P4HA3: variants seen among roughly 807,000 people sequenced by gnomAD.
The protein encoded by P4HA3 is prolyl 4-hydroxylase subunit alpha 3.
In P4HA3, 60 loss-of-function variants were observed where a neutral mutation model predicts 66.7. That is an observed-to-expected ratio of 0.90 (90% confidence interval 0.73 to 1.12). The LOEUF (loss-of-function observed/expected upper bound fraction) is 1.12. Ranked by LOEUF, P4HA3 falls within the 50% of genes most tolerant of loss-of-function variation. The pLI is 0.00. For synonymous variants in P4HA3, 263 were observed against 274.6 expected (o/e 0.96, Z 0.42); for missense variants, 683 against 685.8 (o/e 1.00, Z 0.05).
At chr11:74,287,338 A>G (rs1182927501) in intron 5 of P4HA3, 2 of 1,285,442 alleles carry the variant, frequency 1.6e-6, no homozygotes, top group Non-Finnish European at 2.0e-6. Flanking sequence ...TTCTGTTTTA[A>G]CAAGAGAAGA....
chr11:74,306,554 C>T (rs1325665779), intron 1 of P4HA3, among the ~76,000 whole-genome samples: 4 of 152,078 alleles, frequency 2.6e-5, no homozygotes, highest in Non-Finnish European at 4.4e-5. Flanking sequence ...AAAAAATGAA[C>T]GTGTGCAAGA....
rs917037170 is a variant in P4HA3 at position 74,280,323 on chromosome 11, TA to T, written c.1111-872del. On this transcript the variant is annotated intron_variant, in intron 7 of 12. Coordinates refer to ENST00000331597, the MANE Select transcript of P4HA3 (RefSeq NM_182904.5). ...CACATGCCACCAAACCTGGCTAATT[TA>T]AAAAAAAAATGTTTTTGTAGATACG... Among the ~76,000 whole-genome samples the T allele has an allele frequency of 6.2e-3, 923 of 149,472 alleles. 3 individuals are homozygous for T. The highest frequency in any genetic ancestry group is 0.017 in the Middle Eastern group (5 of 286).
chr11:74,253,625 C>T (rs1859761183), intron 15 of P4HA3: 1 of 1,201,004 alleles, frequency 8.3e-7, no homozygotes, highest in East Asian at 2.3e-5. Context: ...GACACTGGCT[C>T]CCGGTAGACG....
At chr11:74,274,947 T>A (rs1860345833) in intron 9 of P4HA3, among the ~76,000 whole-genome samples, 1 of 152,200 alleles carries the variant, frequency 6.6e-6, no homozygotes, top group South Asian at 2.1e-4. Flanking sequence ...TGAGCATCTT[T>A]CCATATGTTT....
intron 15 of P4HA3, among the ~76,000 whole-genome samples, chr11:74,256,697 C>G (rs894788232): frequency 2.0e-5 from 3 of 152,116 alleles, no homozygotes; most frequent in African/African-American, 4.8e-5. Flanking sequence ...TGCCACAAAG[C>G]CAGAAGGAGC....
At chr11:74,308,238 CA>C (rs1219988652) in intron 1 of P4HA3, among the ~76,000 whole-genome samples, 15 of 152,034 alleles carry the variant, frequency 9.9e-5, no homozygotes, top group African/African-American at 3.6e-4. Flanking sequence ...AAAGGCTGGG[CA>C]CGGTAGCTCA....
chr11:74,259,842 G>A (rs1460040549), intron 15 of P4HA3: 3 of 152,160 alleles, frequency 2.0e-5, no homozygotes, highest in African/African-American at 7.2e-5. Context: ...ATCTGGGTTT[G>A]CTTCCACCTT....
intron 7 of P4HA3, 45 bp from the exon 8 acceptor site, chr11:74,279,497 A>G: frequency 6.3e-7 from 1 of 1,586,168 alleles, no homozygotes; most frequent in Non-Finnish European, 8.7e-7. Context: ...TTATGATGCA[A>G]AAGGAAAGTT....
intron 5 of P4HA3, among the ~76,000 whole-genome samples, chr11:74,287,991 G>A (rs1052228919): frequency 6.6e-6 from 1 of 152,090 alleles, no homozygotes; most frequent in Non-Finnish European, 1.5e-5. Context: ...ACTCCAGCCT[G>A]GGTGACAGAA....
chr11:74,256,601 A>G (rs1859835572), intron 15 of P4HA3, among the ~76,000 whole-genome samples: 1 of 152,158 alleles, frequency 6.6e-6, no homozygotes, highest in Admixed American at 6.5e-5. Context: ...TGGCCATAAC[A>G]GTGTCCTTGC....
In P4HA3 at chr11:74,286,360, G is replaced by A. The variant is rs1014328958; in HGVS notation, c.801C>T (p.Val267=). The A allele has an allele frequency of 1.1e-5, 18 of 1,570,022 alleles. No homozygotes were observed. The highest frequency in any genetic ancestry group is 1.5e-5 in the Non-Finnish European group (17 of 1,159,920). Residue 267 remains valine, a synonymous_variant, in exon 6 of 13, where the codon GTC becomes GTT. Transcript: ENST00000331597. ...CTGCCAAGAGCCTTTCATATTTCAA[G>A]ACATTCCTGGCCATCCTCTTATTAT... ...SPDNKRMARN[V]LKYERLLAES... is the part of the protein sequence containing the mutation.
At chr11:74,276,953 C>G in intron 9 of P4HA3, 32 bp downstream of exon 9, 1 of 1,589,592 alleles carries the variant, frequency 6.3e-7, no homozygotes, top group East Asian at 2.3e-5. Context: ...GGCTCCCTAC[C>G]CCAGGGGATT....
At chr11:74,272,870 T>C (rs538754243) in intron 10 of P4HA3, among the ~76,000 whole-genome samples, 1 of 152,238 alleles carries the variant, frequency 6.6e-6, no homozygotes, top group African/African-American at 2.4e-5. Flanking sequence ...AGCTTGTCCA[T>C]AGAGACGAAA....
At chr11:74,254,577 C>A (rs1346405526) in intron 15 of P4HA3, 2 of 153,170 alleles carry the variant, frequency 1.3e-5, no homozygotes, top group Non-Finnish European at 2.9e-5. Context: ...TGATGTGTAG[C>A]CCCCTCCACC....
intron 15 of P4HA3, chr11:74,251,749 G>C: frequency 6.2e-7 from 1 of 1,610,378 alleles, no homozygotes; most frequent in Non-Finnish European, 8.5e-7. Context: ...GAACCCAGCA[G>C]TGCTGGCCGA....
chr11:74,298,568 T>C (rs1861300751), intron 3 of P4HA3, among the ~76,000 whole-genome samples: 1 of 152,222 alleles, frequency 6.6e-6, no homozygotes, highest in Non-Finnish European at 1.5e-5. Flanking sequence ...ACTTAAGGAA[T>C]TTATAATCTG....
chr11:74,281,634 A>G (rs1860600887), intron 7 of P4HA3, among the ~76,000 whole-genome samples: 2 of 152,248 alleles, frequency 1.3e-5, no homozygotes, highest in South Asian at 4.2e-4. Context: ...ACAAAAAACC[A>G]AACACCACAT....
intron 7 of P4HA3, among the ~76,000 whole-genome samples, chr11:74,279,787 G>T (rs925757523): frequency 6.6e-6 from 1 of 152,270 alleles, no homozygotes; most frequent in Non-Finnish European, 1.5e-5. Context: ...AAGAACAGGG[G>T]CTATTTCTCA....
chr11:74,255,761 A>C (rs1591078130), intron 15 of P4HA3, among the ~76,000 whole-genome samples: 1 of 152,338 alleles, frequency 6.6e-6, no homozygotes, highest in African/African-American at 2.4e-5. Context: ...CTGTGTCCCC[A>C]TGTCAGACCT....
Sources: allele counts gnomAD v4.1 joint callset (sites outside exome capture counted in the v4.1 genomes callset), GRCh38; gene constraint gnomAD v4.1.1; transcripts MANE v1.5; gene names NCBI Gene and HGNC (gene_info 2026-07-23, HGNC 2026-07-21).